The following DMXL2 variants were observed in gnomAD, a reference collection of about 807,000 sequenced individuals.
DMXL2 encodes the protein Dmx like 2.
In DMXL2, 103 loss-of-function variants were observed where a neutral mutation model predicts 331.1. The observed-to-expected ratio is 0.31, with a 90% CI of 0.27 to 0.37. The LOEUF (loss-of-function observed/expected upper bound fraction) is 0.37, where lower values mean the gene tolerates loss of function less well. DMXL2 is among the 10% of genes least tolerant of loss of function. DMXL2 has a pLI of 1.00. For missense variants in DMXL2, 3,171 were observed against 3,642.9 expected (o/e 0.87, Z 3.33); for synonymous variants, 1,281 against 1,252.1 (o/e 1.02, Z -0.49).
At chr15:51,591,154 G>A (rs4438255) in intron 1 of DMXL2, among the ~76,000 whole-genome samples, 72,643 of 152,120 alleles carry the variant, frequency 0.48, 17,727 homozygotes, top group Non-Finnish European at 0.52. Flanking sequence ...CCCAGGAAGC[G>A]CAAGGGGTCA....
intron 1 of DMXL2, among the ~76,000 whole-genome samples, chr15:51,617,896 C>A (rs1230022817): frequency 6.6e-6 from 1 of 152,082 alleles, no homozygotes; most frequent in African/African-American, 2.4e-5. Context: ...ACAATCTACG[C>A]AGGGACATAA....
intron 1 of DMXL2, among the ~76,000 whole-genome samples, chr15:51,614,376 C>CACT: frequency 1.3e-5 from 2 of 152,346 alleles, no homozygotes; most frequent in Non-Finnish European, 2.9e-5. Flanking sequence ...AGAATCTCTA[C>CACT]ACTCCAGGTA....
rs763981971 is a variant in DMXL2, at chr15:51,474,446, G to A, written c.7111C>T (p.Arg2371Trp). Residue 2371 changes from arginine (R) to tryptophan (W), a missense_variant, in exon 28 of 44, where the codon CGG becomes TGG. Transcript: ENST00000560891. ...TTATTTAATGGGTGGGCTGCAAGCC[G>A]AAATAATTCACTGGAGGAATTTGTG... is the stretch of plus-strand genomic sequence containing the variant. ...LATNSSSELF[R>W]LAAHPLNNRM... is the part of the protein sequence containing the mutation. 2.5e-5 allele frequency: 41 copies of A among 1,614,010 alleles called. No individual in the cohort carries two copies. The highest frequency in any genetic ancestry group is 5.5e-5 in the South Asian group (5 of 91,082).
At position 51,486,213 on chromosome 15, in the gene DMXL2, T is replaced by G. The variant is rs753992301; in HGVS notation, c.5342A>C (p.Lys1781Thr). The G allele has an allele frequency of 6.2e-7, 1 of 1,614,094 alleles. No homozygotes were observed. The highest frequency in any genetic ancestry group is 8.5e-7 in the Non-Finnish European group (1 of 1,179,982). The change falls in exon 23 of 44, where the codon AAG becomes ACG. Residue 1781 changes from lysine (K) to threonine (T), a missense_variant. Lys to Thr is a moderately conservative substitution (Grantham distance 78). Transcript: ENST00000560891. The stretch of plus-strand genomic sequence containing the variant: ...TTTGCAACTGAATCCTGAGCCATCC[T>G]TTTGGCAACCCAAAATCTTCTGATT... Reference protein sequence around the residue: ...ILNQKILGCQKDGSGFSCKRL... With the variant: ...ILNQKILGCQTDGSGFSCKRL...
Position 51,514,551 on chromosome 15 carries a change from T to A in DMXL2, c.2535A>T (p.Ser845=). The A allele has an allele frequency of 1.3e-6, 2 of 1,577,146 alleles. No individual in the cohort carries two copies. The highest frequency in any genetic ancestry group is 1.7e-6 in the Non-Finnish European group (2 of 1,158,264). The change falls in exon 15 of 44, where the codon TCA becomes TCT. Residue 845 remains serine (S), a synonymous_variant. Coordinates refer to ENST00000560891, the MANE Select transcript of DMXL2 (RefSeq NM_001378457.1). ...GAAACACATGAAGCAACTGTGTATT[T>A]GAGCCACACTACAAATACAAAAAAA... is the stretch of plus-strand genomic sequence containing the variant. ...ELDAITNQCG[S]NTQLLHVFQE...
intron 13 of DMXL2, among the ~76,000 whole-genome samples, chr15:51,532,799 T>G (rs542922541): frequency 6.6e-6 from 1 of 152,026 alleles, no homozygotes; most frequent in South Asian, 2.1e-4. Flanking sequence ...CAACATGGAG[T>G]TGGAAGTTTT....
chr15:51,557,888 T>C (rs1049562177), intron 6 of DMXL2, among the ~76,000 whole-genome samples: 23 of 152,264 alleles, frequency 1.5e-4, no homozygotes, highest in Non-Finnish European at 2.9e-5. Flanking sequence ...ATTTTAGACC[T>C]GAATGTGAAA....
At chr15:51,451,477 T>A (rs1053972319) in intron 42 of DMXL2, among the ~76,000 whole-genome samples, 168 bp downstream of exon 42, 2 of 152,228 alleles carry the variant, frequency 1.3e-5, no homozygotes, top group African/African-American at 4.8e-5. Flanking sequence ...GGAAGCCAGA[T>A]ATGCTAATTA....
At chr15:51,492,011 T>C (rs1197845144) in intron 19 of DMXL2, among the ~76,000 whole-genome samples, 1 of 152,210 alleles carries the variant, frequency 6.6e-6, no homozygotes, top group Non-Finnish European at 1.5e-5. Flanking sequence ...CACTAAAACT[T>C]AATCATTAGA....
Position 51,448,806 on chromosome 15 carries a change from T to C in DMXL2, c.*178A>G. On this transcript the variant is annotated 3_prime_UTR_variant, in exon 44 of 44. Transcript: ENST00000560891. ...TATTTTTTTTAGTATGTCAGCATAA[T>C]AAGGTACATGCGCATTCATTCCACC... is the stretch of plus-strand genomic sequence containing the variant. 5 of 634,594 alleles carry C rather than the reference T, an allele frequency of 7.9e-6. No individual in the cohort carries two copies. The highest frequency in any genetic ancestry group is 8.5e-4 in the Middle Eastern group (2 of 2,344). The allele number at this position is 634,594 out of a possible 1,614,324, so 39.3% of individuals were successfully genotyped here. A position where few individuals can be genotyped will look rare whatever the true frequency, so the allele number is the denominator to read the frequency against.
intron 13 of DMXL2, among the ~76,000 whole-genome samples, chr15:51,521,452 A>AGTAGTAGTAGTGGTAGTG (rs1268007797): frequency 8.5e-6 from 1 of 117,362 alleles, no homozygotes; most frequent in Non-Finnish European, 2.1e-5. Flanking sequence ...TAGTAGTAGT[A>AGTAGTAGTAGTGGTAGTG]GTAGTAGTAG....
intron 1 of DMXL2, among the ~76,000 whole-genome samples, chr15:51,599,106 T>C (rs1011135339): frequency 1.3e-5 from 2 of 152,228 alleles, no homozygotes; most frequent in African/African-American, 4.8e-5. Flanking sequence ...TTTATTTTCA[T>C]ACCCAGATTG....
chr15:51,484,127 A>T (rs1022129444), intron 23 of DMXL2, among the ~76,000 whole-genome samples: 2 of 151,874 alleles, frequency 1.3e-5, no homozygotes, highest in South Asian at 4.1e-4. Context: ...CAATCGTGTC[A>T]TGGGCCTGAG....
At chr15:51,559,675 C>T (rs1364371960) in intron 6 of DMXL2, among the ~76,000 whole-genome samples, 2 of 152,120 alleles carry the variant, frequency 1.3e-5, no homozygotes, top group Middle Eastern at 3.4e-3. Flanking sequence ...GAGCTATGAT[C>T]GGCCGATGTA....
intron 23 of DMXL2, among the ~76,000 whole-genome samples, chr15:51,482,418 C>T (rs2042082959): frequency 6.6e-6 from 1 of 152,062 alleles, no homozygotes; most frequent in African/African-American, 2.4e-5. Flanking sequence ...ACAAACTTAA[C>T]ATCTAAGAAG....
chr15:51,606,887 G>T (rs1308587466), intron 1 of DMXL2, among the ~76,000 whole-genome samples: 1 of 152,222 alleles, frequency 6.6e-6, no homozygotes, highest in East Asian at 1.9e-4. Context: ...GGCCGGGCAA[G>T]GTGGCTCAGG....
At chr15:51,566,235 GTGTGTGTGTGTGTGTGTGTGT>G (rs2050274181) in intron 3 of DMXL2, among the ~76,000 whole-genome samples, 2 of 1,618 alleles carry the variant, frequency 1.2e-3, no homozygotes, top group African/African-American at 1.8e-3. Context: ...TGTGTGGGGT[GTGTGTGTGTGTGTGTGTGTGT>G]GTGTGTGTGT....
Position 51,501,494 on chromosome 15 carries a change from C to T in DMXL2, c.2993-1263G>A, listed in dbSNP as rs377517471. On this transcript the variant is annotated intron_variant, in intron 17 of 43. Transcript: ENST00000560891. ...TCAAACATTCTTAATAAAGGTGAGA[C>T]GTGATTACCACAATGTGAATGAAGT... 1.1e-4 allele frequency among the ~76,000 whole-genome samples: 17 copies of T among 152,146 alleles called. No homozygotes were observed. In the East Asian group the frequency reaches 2.9e-3, roughly 26 times the overall value.
chr15:51,620,301 T>C (rs1427096049), intron 1 of DMXL2, among the ~76,000 whole-genome samples: 1 of 152,192 alleles, frequency 6.6e-6, no homozygotes, highest in African/African-American at 2.4e-5. Context: ...CAAAATGGGT[T>C]TGTATTTACA....
Sources: allele counts gnomAD v4.1 joint callset (sites outside exome capture counted in the v4.1 genomes callset), GRCh38; gene constraint gnomAD v4.1.1; transcripts MANE v1.5; gene names NCBI Gene and HGNC (gene_info 2026-07-23, HGNC 2026-07-21).